Variants in NOS1 observed in about 807,000 individuals in gnomAD.
NOS1 encodes nitric oxide synthase 1.
A neutral mutation model predicts 164.5 loss-of-function variants in NOS1; 51 were observed. That is an observed-to-expected ratio of 0.31 (90% CI 0.25 to 0.39). The LOEUF is 0.39. Among genes scored for constraint, NOS1 ranks in the 10% least tolerant of loss-of-function variants. NOS1 has a pLI of 1.00. For synonymous variants in NOS1, 719 were observed against 745.8 expected, an observed-to-expected ratio of 0.96 and a Z score of 0.59; for missense variants, 1,362 against 1,885.6, an observed-to-expected ratio of 0.72 and a Z score of 5.14.
In NOS1 at chr12:117,331,046, A is replaced by G; in HGVS notation, c.24T>C (p.Val8=). Residue 8 remains valine (V), a synonymous_variant, in exon 2 of 29, where the codon GTT becomes GTC. Transcript: ENST00000317775. MEDHMFG[V]QQIQPNVISV... ...AAATGACATTGGGCTGGATTTGCTG[A>G]ACACCGAACATGTGATCCTCCATGG... The G allele has an allele frequency of 6.2e-7, 1 of 1,612,992 alleles. No individual in the cohort carries two copies. The highest frequency in any genetic ancestry group is 1.1e-5 in the South Asian group (1 of 90,956).
chr12:117,318,032 C>T (rs1051938892), intron 2 of NOS1, among the ~76,000 whole-genome samples: 10 of 152,104 alleles, frequency 6.6e-5, no homozygotes, highest in South Asian at 4.1e-4. Context: ...ATTAGCTGAG[C>T]GTGGTGGCAC....
intron 17 of NOS1, among the ~76,000 whole-genome samples, chr12:117,252,777 C>A (rs143130705): frequency 9.2e-5 from 14 of 152,328 alleles, no homozygotes; most frequent in African/African-American, 3.4e-4. Context: ...ATTTCAATAG[C>A]TAGCAAACCA....
chr12:117,303,031 C>T (rs1335345643), intron 3 of NOS1, among the ~76,000 whole-genome samples: 2 of 152,174 alleles, frequency 1.3e-5, no homozygotes, highest in Non-Finnish European at 2.9e-5. Context: ...CAGGTGTGAG[C>T]CACCGCGCTG....
At chr12:117,317,864 A>G (rs917971559) in intron 2 of NOS1, among the ~76,000 whole-genome samples, 11 of 152,234 alleles carry the variant, frequency 7.2e-5, no homozygotes, top group Admixed American at 7.2e-4. Context: ...AAATCAACTG[A>G]GAGGCTTGCT....
At chr12:117,287,029 A>G (rs1406265240) in intron 5 of NOS1, among the ~76,000 whole-genome samples, 2 of 152,238 alleles carry the variant, frequency 1.3e-5, no homozygotes, top group African/African-American at 4.8e-5. Context: ...AGCCTGGCCA[A>G]CATGGCAAAA....
Position 117,215,117 on chromosome 12 carries a change from C to A in NOS1, c.*192G>T. The A allele has an allele frequency of 7.7e-7, 1 of 1,290,866 alleles. No homozygotes were observed. The highest frequency in any genetic ancestry group is 9.9e-7 in the Non-Finnish European group (1 of 1,011,916). The allele number at this position is 1,290,866 out of a possible 1,614,324, so 80.0% of individuals were successfully genotyped here. On this transcript the variant is annotated 3_prime_UTR_variant, in exon 29 of 29. Transcript: ENST00000317775. ...AGATTAGAAAAGCATTGCATCGCAGCAGGAAAACTCAAGGAGTAAACCCAG... is the reference window on the plus strand; with the variant it reads ...AGATTAGAAAAGCATTGCATCGCAGAAGGAAAACTCAAGGAGTAAACCCAG...
At position 117,247,400 on chromosome 12, in the gene NOS1, T is replaced by C; in HGVS notation, c.2771A>G (p.Glu924Gly). 1 of 1,611,890 alleles carries C rather than the reference T, an allele frequency of 6.2e-7. No homozygotes were observed. Among genetic ancestry groups the C allele is most frequent in the Non-Finnish European group, 8.5e-7 (1 of 1,179,176 alleles). The change falls in exon 18 of 29, where the codon GAG (glutamate) becomes GGG (glycine). Residue 924 changes from glutamate (E) to glycine (G), a missense_variant. This residue lies in a region of NOS1 where 737 missense variants were observed against 1,030.3 expected (regional missense o/e 0.72). Coordinates refer to ENST00000317775, the MANE Select transcript of NOS1 (RefSeq NM_000620.5). ...ERILKMREGDELCGQEEAFRT... is the reference protein window; with the variant it reads ...ERILKMREGDGLCGQEEAFRT... The stretch of plus-strand genomic sequence containing the variant: ...GAAAGCCTCTTCCTGCCCACAGAGC[T>C]CATCCCCTTCCCTCATCTTCAGGAT...
At position 117,334,675 on chromosome 12, in the gene NOS1, G is replaced by A. The variant is rs1173456122; in HGVS notation, c.-420-3186C>T. ...CTCCCAAAGTGCTGGGATTACAGGC[G>A]TGAGCCATTGCACCTGGCCGTCAAT... On this transcript the variant is annotated intron_variant, in intron 1 of 28. Coordinates refer to ENST00000317775, the MANE Select transcript of NOS1 (RefSeq NM_000620.5). 2.6e-5 allele frequency among the ~76,000 whole-genome samples: 4 copies of A among 152,158 alleles called. No individual in the cohort carries two copies. The South Asian group carries it at 8.3e-4, about 32-fold the overall frequency.
intron 1 of NOS1, among the ~76,000 whole-genome samples, chr12:117,350,160 A>G (rs1320657125): frequency 6.6e-6 from 1 of 152,188 alleles, no homozygotes; most frequent in Non-Finnish European, 1.5e-5. Flanking sequence ...GGAAGTCAGC[A>G]GTAAAATCTC....
intron 23 of NOS1, 43 bp from the exon 24 acceptor site, chr12:117,226,813 G>C (rs372186604): frequency 5.8e-5 from 87 of 1,502,428 alleles, no homozygotes; most frequent in African/African-American, 8.3e-5. Flanking sequence ...CACTGCTCCC[G>C]AGCACGGCCT....
intron 27 of NOS1, 66 bp from the exon 28 acceptor site, chr12:117,218,230 A>T (rs562867021): frequency 2.1e-4 from 234 of 1,118,534 alleles, no homozygotes; most frequent in Non-Finnish European, 3.0e-4. Flanking sequence ...GCAGGGGCAG[A>T]CTTGCCTGAC....
At position 117,208,521 on chromosome 12, in the gene NOS1, A is replaced by G. The variant is rs1024302898; in HGVS notation, c.*6788T>C. ...GGCACCGCTCTTTGGGCCTTCTGGA[A>G]AACCACTGCTGAGCCAGGAGTGTGA... On this transcript the variant is annotated 3_prime_UTR_variant, in exon 29 of 29. Coordinates refer to ENST00000317775, the MANE Select transcript of NOS1 (RefSeq NM_000620.5). 1 of 1,225,750 alleles carries G rather than the reference A, an allele frequency of 8.2e-7. No homozygotes were observed. The highest frequency in any genetic ancestry group is 1.6e-5 in the African/African-American group (1 of 64,110). The allele number at this position is 1,225,750 out of a possible 1,614,324, so 75.9% of individuals were successfully genotyped here.
At chr12:117,224,017 T>G (rs1423044969) in intron 25 of NOS1, among the ~76,000 whole-genome samples, 1 of 152,204 alleles carries the variant, frequency 6.6e-6, no homozygotes, top group African/African-American at 2.4e-5. Flanking sequence ...ACAGGACTGT[T>G]GTGAGAAATG....
intron 21 of NOS1, 135 bp from the exon 22 acceptor site, chr12:117,232,266 C>T: frequency 1.5e-6 from 1 of 683,154 alleles, no homozygotes; most frequent in Non-Finnish European, 2.4e-6. Context: ...CCTTCTAGCT[C>T]TCCACCTTCC....
intron 22 of NOS1, among the ~76,000 whole-genome samples, chr12:117,229,072 C>T (rs10850802): frequency 0.16 from 24,382 of 152,200 alleles, 2,446 homozygotes; most frequent in Admixed American, 0.31. Context: ...TGAGCCACTG[C>T]GACCGGCCTG....
chr12:117,225,210 A>C, intron 24 of NOS1, 73 bp from the exon 25 acceptor site: 1 of 1,535,996 alleles, frequency 6.5e-7, no homozygotes, highest in Non-Finnish European at 8.8e-7. Context: ...TCTTAGGTAG[A>C]CCAGGTGGCC....
At chr12:117,359,931 T>C (rs1248026696) in intron 1 of NOS1, among the ~76,000 whole-genome samples, 1 of 94,604 alleles carries the variant, frequency 1.1e-5, no homozygotes, top group Non-Finnish European at 2.1e-5. Context: ...TATATATATA[T>C]ATATCAGCAA....
At chr12:117,299,681 CCT>C (rs10532868) in intron 3 of NOS1, among the ~76,000 whole-genome samples, 119,956 of 144,172 alleles carry the variant, frequency 0.83, 50,159 homozygotes, top group Middle Eastern at 0.88. Flanking sequence ...GCTTACTCTG[CCT>C]CTCTCTCTCT....
At position 117,259,060 on chromosome 12, in the gene NOS1, G is replaced by C; in HGVS notation, c.2438C>G (p.Thr813Ser). Reference protein sequence around the residue: ...HETLVLVVTSTFGNGDPPENG... With the variant: ...HETLVLVVTSSFGNGDPPENG... ...CTCAGGGGGATCTCCATTGCCAAAG[G>C]TGCTGGTGACCACAAGGACCAGAGT... Residue 813 changes from threonine to serine, a missense_variant, in exon 15 of 29, where the codon ACC (threonine) becomes AGC (serine). Transcript: ENST00000317775. The C allele has an allele frequency of 6.2e-7, 1 of 1,614,076 alleles. No homozygotes were observed. The highest frequency in any genetic ancestry group is 1.1e-5 in the South Asian group (1 of 91,064).
Sources: allele counts gnomAD v4.1 joint callset (sites outside exome capture counted in the v4.1 genomes callset), GRCh38; gene constraint gnomAD v4.1.1; regional missense constraint gnomAD v4.1.1; transcripts MANE v1.5; gene names NCBI Gene and HGNC (gene_info 2026-07-23, HGNC 2026-07-21).